Variants in THSD7B observed in about 807,000 individuals in gnomAD.
THSD7B encodes the protein thrombospondin type 1 domain containing 7B, also known as thrombospondin type-1 domain-containing protein 7B.
THSD7B carries 138 observed loss-of-function variants against 213.6 expected under a neutral mutation model. The observed-to-expected ratio is 0.65, with a 90% confidence interval of 0.56 to 0.74. THSD7B has a LOEUF of 0.74. Ranked by LOEUF, THSD7B falls within the 30% of genes least tolerant of loss-of-function variation. The probability of loss-of-function intolerance (pLI) is 0.00; values close to 1 mark genes in which losing one functional copy is unlikely to be tolerated. For missense variants in THSD7B, 1,931 were observed against 1,991.5 expected (o/e 0.97, Z 0.58); for synonymous variants, 742 against 687.0 (o/e 1.08, Z -1.25).
intron 2 of THSD7B, among the ~76,000 whole-genome samples, chr2:136,955,153 C>T (rs913800933): frequency 6.6e-5 from 10 of 152,154 alleles, no homozygotes; most frequent in East Asian, 1.9e-4. Context: ...AGTCACAGTT[C>T]GGGGAACTCT....
At chr2:137,373,179 G>A (rs1461522868) in intron 12 of THSD7B, among the ~76,000 whole-genome samples, 2 of 152,122 alleles carry the variant, frequency 1.3e-5, no homozygotes, top group Admixed American at 1.3e-4. Flanking sequence ...TGTCTTTATA[G>A]CAGCATGATT....
At chr2:137,636,471 C>T (rs1682833978) in intron 20 of THSD7B, among the ~76,000 whole-genome samples, 2 of 152,086 alleles carry the variant, frequency 1.3e-5, no homozygotes, top group Admixed American at 6.6e-5. Flanking sequence ...TATTATTTGT[C>T]CTAATAACAA....
At chr2:136,928,296 CAG>C (rs1466287359) in intron 2 of THSD7B, among the ~76,000 whole-genome samples, 1 of 152,092 alleles carries the variant, frequency 6.6e-6, no homozygotes, top group African/African-American at 2.4e-5. Context: ...AAATGAAAAA[CAG>C]AATGGTTGTA....
chr2:136,792,528 G>A (rs1681987141), intron 1 of THSD7B, among the ~76,000 whole-genome samples: 1 of 151,998 alleles, frequency 6.6e-6, no homozygotes, highest in Non-Finnish European at 1.5e-5. Flanking sequence ...CTGGGTGATG[G>A]TCTCGTGCCA....
chr2:137,493,122 CAAAAAAA>C (rs376770053), intron 15 of THSD7B, among the ~76,000 whole-genome samples: 2 of 44,204 alleles, frequency 4.5e-5, no homozygotes, highest in Non-Finnish European at 7.6e-5. Flanking sequence ...CTCTCTCTCT[CAAAAAAA>C]AAAAAAAAAA....
intron 3 of THSD7B, among the ~76,000 whole-genome samples, chr2:137,080,670 T>C (rs972442746): frequency 6.6e-6 from 1 of 152,168 alleles, no homozygotes; most frequent in Non-Finnish European, 1.5e-5. Context: ...GTACCTATAA[T>C]TTTATTCCAC....
intron 1 of THSD7B, among the ~76,000 whole-genome samples, chr2:136,857,023 T>C (rs928121310): frequency 6.6e-6 from 1 of 152,262 alleles, no homozygotes; most frequent in African/African-American, 2.4e-5. Context: ...CTTGATATGA[T>C]GTAATTCTGT....
At position 136,824,225 on chromosome 2, in the gene THSD7B, T is replaced by G. The variant is rs1487549425; in HGVS notation, c.-35-57919T>G. Reference sequence around the variant, plus strand: ...TTTTAAAAACATTTTCTAAATATTGTTTTTGATATGTATACTCATTCATTA... The same window carrying G: ...TTTTAAAAACATTTTCTAAATATTGGTTTTGATATGTATACTCATTCATTA... On this transcript the variant is annotated intron_variant, in intron 1 of 27. Transcript: ENST00000409968. 3.9e-5 allele frequency among the ~76,000 whole-genome samples: 6 copies of G among 152,194 alleles called. No homozygotes were observed. The East Asian group carries it at 1.2e-3, about 29-fold the overall frequency.
chr2:137,575,991 A>G (rs552301425), intron 17 of THSD7B, among the ~76,000 whole-genome samples: 4 of 152,150 alleles, frequency 2.6e-5, no homozygotes, highest in Non-Finnish European at 5.9e-5. Flanking sequence ...GATCCTACAT[A>G]CTTCAGAATT....
chr2:137,023,432 A>T (rs1004454394), intron 2 of THSD7B, among the ~76,000 whole-genome samples: 15 of 151,994 alleles, frequency 9.9e-5, no homozygotes, highest in African/African-American at 3.6e-4. Flanking sequence ...TTAGGAAGGG[A>T]CTCTGGGAAA....
intron 10 of THSD7B, among the ~76,000 whole-genome samples, chr2:137,259,920 C>T (rs968632532): frequency 2.6e-5 from 4 of 151,234 alleles, no homozygotes; most frequent in Non-Finnish European, 5.9e-5. Flanking sequence ...TGTGTGTGTG[C>T]GTGTGGGTGT....
intron 24 of THSD7B, among the ~76,000 whole-genome samples, chr2:137,658,461 A>G (rs747113080): frequency 6.6e-6 from 1 of 152,212 alleles, no homozygotes; most frequent in Non-Finnish European, 1.5e-5. Flanking sequence ...TAATTCTTAG[A>G]ATTAAAAAAT....
chr2:137,446,477 G>A (rs1014429075), intron 14 of THSD7B, among the ~76,000 whole-genome samples: 3 of 151,908 alleles, frequency 2.0e-5, no homozygotes, highest in African/African-American at 7.2e-5. Flanking sequence ...TTGTAACATC[G>A]ATAGGGATAG....
At chr2:137,267,798 A>T (rs144515061) in intron 10 of THSD7B, among the ~76,000 whole-genome samples, 71 of 152,378 alleles carry the variant, frequency 4.7e-4, no homozygotes, top group African/African-American at 1.6e-3. Context: ...AACATTTAAT[A>T]TGTTTTACAC....
In THSD7B at chr2:137,337,984, A is replaced by G. The variant is rs1031178561; in HGVS notation, c.2500+61958A>G. ...CTAATCTGGTTATTTAGTGCTATAT[A>G]CAAATAACCCCAAAATTTAGGGGTT... On this transcript the variant is annotated intron_variant, in intron 12 of 27. Coordinates refer to ENST00000409968, the MANE Select transcript of THSD7B (RefSeq NM_001316349.2). Among the ~76,000 whole-genome samples the G allele has an allele frequency of 3.3e-5, 5 of 152,180 alleles. No individual in the cohort carries two copies. The East Asian group carries it at 9.7e-4, about 29-fold the overall frequency.
At chr2:136,858,549 G>A (rs1274888498) in intron 1 of THSD7B, among the ~76,000 whole-genome samples, 2 of 152,166 alleles carry the variant, frequency 1.3e-5, no homozygotes, top group Admixed American at 6.5e-5. Flanking sequence ...TTTAGATAGT[G>A]ATACTTTACT....
At chr2:137,535,176 C>T (rs965607258) in intron 15 of THSD7B, among the ~76,000 whole-genome samples, 1 of 151,646 alleles carries the variant, frequency 6.6e-6, no homozygotes, top group African/African-American at 2.4e-5. Context: ...ATTCACATTT[C>T]CCTAGATGAG....
chr2:137,070,334 T>A (rs1156278241), intron 3 of THSD7B, among the ~76,000 whole-genome samples: 3 of 151,924 alleles, frequency 2.0e-5, no homozygotes, highest in Non-Finnish European at 2.9e-5. Flanking sequence ...GCAGCCATAG[T>A]TTATTTGAAC....
At chr2:136,874,303 A>C (rs892113978) in intron 1 of THSD7B, among the ~76,000 whole-genome samples, 1 of 152,166 alleles carries the variant, frequency 6.6e-6, no homozygotes, top group Non-Finnish European at 1.5e-5. Flanking sequence ...ACTACTTTGC[A>C]GGGCTGTGGT....
Sources: gnomAD v4.1 joint callset for allele counts (sites outside exome capture counted in the v4.1 genomes callset) on GRCh38, gnomAD v4.1.1 for gene constraint, MANE v1.5 for transcripts, NCBI Gene and HGNC (gene_info 2026-07-23, HGNC 2026-07-21) for gene names.